CUX2: variants seen among roughly 807,000 people sequenced by gnomAD.
CUX2 encodes homeobox protein cut-like 2.
A neutral mutation model predicts 144.8 loss-of-function variants in CUX2; 40 were observed. The ratio of observed to expected loss-of-function variants is 0.28; its 90% CI spans 0.21 to 0.36. The LOEUF (loss-of-function observed/expected upper bound fraction) is 0.36, where lower values mean the gene tolerates loss of function less well. Ranked by LOEUF, CUX2 falls within the 10% of genes least tolerant of loss-of-function variation. CUX2 has a pLI of 1.00. For synonymous variants in CUX2, 827 were observed against 875.6 expected (o/e 0.94, Z 0.98); for missense variants, 1,615 against 1,994.0 (o/e 0.81, Z 3.62).
chr12:111,221,347 G>A (rs934862184), intron 3 of CUX2, among the ~76,000 whole-genome samples: 64 of 152,212 alleles, frequency 4.2e-4, no homozygotes, highest in Non-Finnish European at 2.2e-4. Context: ...CATCTTCTTC[G>A]TCCAGAAAAA....
At chr12:111,134,211 C>A (rs1256459662) in intron 1 of CUX2, among the ~76,000 whole-genome samples, 1 of 152,176 alleles carries the variant, frequency 6.6e-6, no homozygotes, top group Non-Finnish European at 1.5e-5. Flanking sequence ...ACATTAGGAC[C>A]AACCAGCCAA....
rs1274608022 is a variant in CUX2, at chr12:111,190,372, G to C, written c.64-23828G>C. ...CGTCCTAACCAGATTACAGTATGTT[G>C]CTGGTGGGATTATCTTTCAGCTAGT... On this transcript the variant is annotated intron_variant, in intron 1 of 21. Transcript: ENST00000261726. This position sits in a 1 kb window ranked among gnomAD's most constrained non-coding sequence, Gnocchi z 4.0. Among the ~76,000 whole-genome samples, 2 of 152,138 alleles carry C rather than the reference G, an allele frequency of 1.3e-5. No homozygotes were observed. Among genetic ancestry groups the C allele is most frequent in the Non-Finnish European group, 2.9e-5 (2 of 68,040 alleles).
chr12:111,283,795 C>T (rs1885246220), intron 4 of CUX2, among the ~76,000 whole-genome samples: 1 of 152,178 alleles, frequency 6.6e-6, no homozygotes, highest in South Asian at 2.1e-4. Context: ...GTCTCAAACT[C>T]CTGACTTCAG....
chr12:111,187,530 T>C (rs545393411), intron 1 of CUX2, among the ~76,000 whole-genome samples: 2 of 152,170 alleles, frequency 1.3e-5, no homozygotes, highest in Non-Finnish European at 2.9e-5. Context: ...CCTAAACGCA[T>C]TTCAGTGGCT....
intron 18 of CUX2, among the ~76,000 whole-genome samples, chr12:111,327,204 A>G (rs1887862919): frequency 1.3e-5 from 2 of 152,146 alleles, no homozygotes; most frequent in Non-Finnish European, 2.9e-5. Context: ...GGCTTCTTTC[A>G]GTTAACGTGT....
At position 111,162,377 on chromosome 12, in the gene CUX2, A is replaced by G. The variant is rs538376918; in HGVS notation, c.64-51823A>G. Among the ~76,000 whole-genome samples the G allele has an allele frequency of 2.6e-5, 4 of 152,328 alleles. No individual in the cohort carries two copies. In the East Asian group the frequency reaches 7.7e-4, roughly 29 times the overall value. Reference sequence around the variant, plus strand: ...ACCAGAGCTGGTGAGATCCTGTTGCAAGAGAAGCAGGCTTATCACGGGAGC... The same window carrying G: ...ACCAGAGCTGGTGAGATCCTGTTGCGAGAGAAGCAGGCTTATCACGGGAGC... On this transcript the variant is annotated intron_variant, in intron 1 of 21. Transcript: ENST00000261726.
At chr12:111,331,430 T>C (rs953763222) in intron 18 of CUX2, among the ~76,000 whole-genome samples, 2 of 152,176 alleles carry the variant, frequency 1.3e-5, no homozygotes, top group African/African-American at 4.8e-5. Flanking sequence ...TGGCCAGTGC[T>C]GGGATTCCTA....
chr12:111,075,617 T>C (rs190897261), intron 1 of CUX2, among the ~76,000 whole-genome samples: 4 of 152,290 alleles, frequency 2.6e-5, no homozygotes, highest in South Asian at 4.1e-4. Context: ...GAGAGCTCAG[T>C]TGACAAATAT....
intron 3 of CUX2, among the ~76,000 whole-genome samples, chr12:111,226,959 T>G (rs1469725895): frequency 6.6e-6 from 1 of 152,230 alleles, no homozygotes; most frequent in East Asian, 1.9e-4. Flanking sequence ...CCGCTGGGCG[T>G]GCATCCATCT....
intron 1 of CUX2, among the ~76,000 whole-genome samples, chr12:111,179,099 A>G (rs1592807978): frequency 6.6e-6 from 1 of 152,248 alleles, no homozygotes; most frequent in Non-Finnish European, 1.5e-5. Flanking sequence ...ACAGGGCAAT[A>G]GTGGGAGCCC....
At chr12:111,316,806 G>A (rs139342219) in intron 16 of CUX2, among the ~76,000 whole-genome samples, 10 of 152,118 alleles carry the variant, frequency 6.6e-5, no homozygotes, top group African/African-American at 2.2e-4. Context: ...TCAGTGTTAT[G>A]CAACCATCAT....
chr12:111,322,477 G>A lies in CUX2; in HGVS notation c.2823G>A (p.Trp941Ter). 1 of 1,596,434 alleles carries A rather than the reference G, an allele frequency of 6.3e-7. No homozygotes were observed. Among genetic ancestry groups the A allele is most frequent in the Non-Finnish European group, 8.5e-7 (1 of 1,173,058 alleles). Residue 941 changes from tryptophan to a stop codon, truncating the protein, a stop_gained, in exon 18 of 22, where the codon TGG becomes TGA. Coordinates refer to ENST00000261726, the MANE Select transcript of CUX2 (RefSeq NM_015267.4). LOFTEE classifies it high-confidence loss of function. This position sits in a 1 kb window ranked among gnomAD's most constrained non-coding sequence, Gnocchi z 4.2. ...ACATGCTGTCCCGGCCGAAGCCATGGAGCAAGCTGACGCAGAAGGGGCGGG... is the reference window on the plus strand; with the variant it reads ...ACATGCTGTCCCGGCCGAAGCCATGAAGCAAGCTGACGCAGAAGGGGCGGG... Reference protein sequence around the residue: ...VSDMLSRPKPWSKLTQKGREP... With the variant: ...VSDMLSRPKP
At chr12:111,315,164 G>A (rs1887130494) in intron 16 of CUX2, among the ~76,000 whole-genome samples, 1 of 152,208 alleles carries the variant, frequency 6.6e-6, no homozygotes, top group African/African-American at 2.4e-5. Flanking sequence ...TGAATGCTAA[G>A]CAGTGGGCAC....
At chr12:111,084,398 AT>A (rs747152994) in intron 1 of CUX2, among the ~76,000 whole-genome samples, 6 of 151,892 alleles carry the variant, frequency 4.0e-5, no homozygotes, top group Non-Finnish European at 2.9e-5. Context: ...AGAAAGTGTG[AT>A]TTTCAGTTCC....
chr12:111,334,858 C>A, intron 19 of CUX2, 148 bp downstream of exon 19: 1 of 899,992 alleles, frequency 1.1e-6, no homozygotes, highest in Non-Finnish European at 1.6e-6. Flanking sequence ...CGCTTGAGGC[C>A]AGGAGTTTGA....
At chr12:111,330,045 A>G (rs1275564217) in intron 18 of CUX2, among the ~76,000 whole-genome samples, 1 of 152,114 alleles carries the variant, frequency 6.6e-6, no homozygotes, top group Non-Finnish European at 1.5e-5. Flanking sequence ...CCACACCAAC[A>G]TGGCATCAGT....
chr12:111,104,431 C>A (rs957155036), intron 1 of CUX2, among the ~76,000 whole-genome samples: 3 of 152,192 alleles, frequency 2.0e-5, no homozygotes, highest in Non-Finnish European at 4.4e-5. Context: ...TGAACCCCAT[C>A]ATTTGCAGAG....
intron 18 of CUX2, among the ~76,000 whole-genome samples, chr12:111,326,741 T>A (rs1219149746): frequency 6.6e-6 from 1 of 151,956 alleles, no homozygotes; most frequent in East Asian, 1.9e-4. Flanking sequence ...CCGTCTCTCC[T>A]AAAAGTACAA....
chr12:111,282,783 T>C (rs1212457889), intron 4 of CUX2, among the ~76,000 whole-genome samples: 1 of 152,124 alleles, frequency 6.6e-6, no homozygotes, highest in Admixed American at 6.6e-5. Flanking sequence ...ACAGCTGCCT[T>C]CTTACTGTAT....
Sources: allele counts gnomAD v4.1 joint callset (sites outside exome capture counted in the v4.1 genomes callset), GRCh38; gene constraint gnomAD v4.1.1; non-coding constraint Gnocchi (gnomAD v3.1); transcripts MANE v1.5; gene names NCBI Gene and HGNC (gene_info 2026-07-23, HGNC 2026-07-21).